The following MRPL45 variants were observed in gnomAD, a reference collection of about 807,000 sequenced individuals.
The protein encoded by MRPL45 is large ribosomal subunit protein mL45.
In MRPL45, 20 loss-of-function variants were observed where a neutral mutation model predicts 38.1. The ratio of observed to expected loss-of-function variants is 0.53; its 90% CI spans 0.37 to 0.76. MRPL45 has a LOEUF of 0.76. MRPL45 is among the 30% of genes least tolerant of loss of function. MRPL45 has a pLI of 0.00. For synonymous variants in MRPL45, 105 were observed against 128.8 expected, an observed-to-expected ratio of 0.82 and a Z score of 1.25; for missense variants, 337 against 395.6, an observed-to-expected ratio of 0.85 and a Z score of 1.26.
chr17:38,306,176 G>A (rs1244738049), intron 3 of MRPL45, among the ~76,000 whole-genome samples: 3 of 151,710 alleles, frequency 2.0e-5, no homozygotes, highest in Admixed American at 6.6e-5. Flanking sequence ...TTGGGAGGCC[G>A]AGGCGGGCGG....
intron 3 of MRPL45, among the ~76,000 whole-genome samples, chr17:38,302,504 A>AG (rs2037007842): frequency 1.1e-5 from 1 of 92,308 alleles, no homozygotes; most frequent in Non-Finnish European, 2.5e-5. Flanking sequence ...AAAAAAAAAA[A>AG]AGTTTGTTTT....
intron 3 of MRPL45, among the ~76,000 whole-genome samples, chr17:38,300,802 C>T (rs1210342957): frequency 6.6e-6 from 1 of 152,050 alleles, no homozygotes; most frequent in African/African-American, 2.4e-5. Flanking sequence ...CAAAATTAGC[C>T]GGGCGTGGTG....
chr17:38,315,252 G>T (rs1020823746), intron 4 of MRPL45, among the ~76,000 whole-genome samples: 1 of 151,886 alleles, frequency 6.6e-6, no homozygotes, highest in Non-Finnish European at 1.5e-5. Flanking sequence ...GCCTTTGTTT[G>T]TTTCTTTTTT....
intron 4 of MRPL45, among the ~76,000 whole-genome samples, chr17:38,313,883 G>A (rs577912747): frequency 2.0e-5 from 3 of 151,802 alleles, no homozygotes; most frequent in South Asian, 4.2e-4. Flanking sequence ...GGCTGGTCTC[G>A]AACTCCTGAC....
chr17:38,305,764 T>C (rs2037047447), intron 3 of MRPL45, among the ~76,000 whole-genome samples: 1 of 151,456 alleles, frequency 6.6e-6, no homozygotes, highest in Admixed American at 6.6e-5. Flanking sequence ...TGCCTCAGCC[T>C]CCGGAGTAGC....
chr17:38,319,995 C>G (rs2037214079), intron 5 of MRPL45, among the ~76,000 whole-genome samples: 1 of 152,114 alleles, frequency 6.6e-6, no homozygotes, highest in Non-Finnish European at 1.5e-5. Context: ...CCCAGCTACT[C>G]GGGAAGCTGA....
intron 4 of MRPL45, among the ~76,000 whole-genome samples, chr17:38,314,958 A>G (rs1230977115): frequency 1.3e-5 from 2 of 152,184 alleles, no homozygotes; most frequent in South Asian, 2.1e-4. Context: ...TCTCCCTCCC[A>G]CTTCATTATG....
In MRPL45 at chr17:38,320,720, C is replaced by G. The variant is rs1043560556; in HGVS notation, c.613C>G (p.Gln205Glu). The change falls in exon 6 of 8, where the codon CAG becomes GAG. Residue 205 changes from glutamine (Q) to glutamate (E), a missense_variant. Around this residue, in one of 3 missense-constraint regions of MRPL45, gnomAD observed 251 missense variants for 269.1 expected, o/e 0.93. Transcript: ENST00000613675. ...VQVRCSSMMN[Q>E]GNVYGQITVR... The stretch of plus-strand genomic sequence containing the variant: ...AGTTCGCTGTTCAAGTATGATGAAC[C>G]AGGGCAACGTGTACGGCCAGATCAC... 1.9e-6 allele frequency: 3 copies of G among 1,613,986 alleles called. No individual in the cohort carries two copies. In the African/African-American group the frequency reaches 4.0e-5, roughly 22 times the overall value.
intron 3 of MRPL45, among the ~76,000 whole-genome samples, chr17:38,305,510 T>C (rs1330422345): frequency 1.3e-5 from 2 of 151,272 alleles, no homozygotes; most frequent in African/African-American, 4.8e-5. Context: ...CTGACTCTTT[T>C]TTTTGAGATG....
At chr17:38,301,768 C>A (rs1026356913) in intron 3 of MRPL45, among the ~76,000 whole-genome samples, 7 of 152,088 alleles carry the variant, frequency 4.6e-5, no homozygotes, top group African/African-American at 1.4e-4. Context: ...AAATACTGAT[C>A]GCACACAAAT....
rs891659850 is a variant in MRPL45, at chr17:38,322,382, G to A, written c.834+83G>A. On this transcript the variant is annotated intron_variant, in intron 7 of 7. Coordinates refer to ENST00000613675, the MANE Select transcript of MRPL45 (RefSeq NM_032351.6). Reference sequence around the variant, plus strand: ...ACTCTGTCGGGCTCCACCTAGTGGCGAGAGGGGGTGATGCACCACCCAGGA... The same window carrying A: ...ACTCTGTCGGGCTCCACCTAGTGGCAAGAGGGGGTGATGCACCACCCAGGA... The A allele has an allele frequency of 6.0e-5, 86 of 1,436,062 alleles. No individual in the cohort carries two copies. In the African/African-American group the frequency reaches 9.3e-4, roughly 15 times the overall value. 89.0% of individuals were successfully genotyped at this position (1,436,062 alleles called of 1,614,324 possible).
intron 5 of MRPL45, 75 bp from the exon 6 acceptor site, chr17:38,320,543 G>A (rs1039269072): frequency 1.3e-6 from 2 of 1,494,360 alleles, no homozygotes; most frequent in African/African-American, 2.7e-5. Context: ...TGCAGGAAGT[G>A]AGAGCAGTGT....
intron 4 of MRPL45, among the ~76,000 whole-genome samples, chr17:38,313,335 T>TATATATATAC (rs2037140150): frequency 5.4e-5 from 1 of 18,516 alleles, no homozygotes; most frequent in East Asian, 1.0e-3. Flanking sequence ...TATATATACA[T>TATATATATAC]ATATATATAT....
chr17:38,305,932 C>T (rs1357457588), intron 3 of MRPL45, among the ~76,000 whole-genome samples: 6 of 151,846 alleles, frequency 4.0e-5, no homozygotes, highest in Admixed American at 2.0e-4. Flanking sequence ...CGTGAGCCAC[C>T]GCGCCTGGCC....
chr17:38,321,143 T>C (rs2037225923), intron 6 of MRPL45, among the ~76,000 whole-genome samples: 1 of 151,996 alleles, frequency 6.6e-6, no homozygotes, highest in Non-Finnish European at 1.5e-5. Context: ...GCCTGGCTAA[T>C]TTTAGTATTT....
intron 3 of MRPL45, among the ~76,000 whole-genome samples, chr17:38,300,752 G>T (rs1567712509): frequency 6.6e-6 from 1 of 152,018 alleles, no homozygotes; most frequent in South Asian, 2.1e-4. Flanking sequence ...TCGAAAACCA[G>T]CCCGACCAAC....
rs192103119 is a variant in MRPL45 at position 38,300,956 on chromosome 17, T to A, written c.362+1488T>A. Among the ~76,000 whole-genome samples the A allele has an allele frequency of 5.3e-3, 809 of 152,066 alleles. 7 individuals carry two copies. The highest frequency in any genetic ancestry group is 0.019 in the African/African-American group (769 of 41,466). On this transcript the variant is annotated intron_variant, in intron 3 of 7. Transcript: ENST00000613675. ...GGCGAAACTCTGTCTCAAAAAAAAA[T>A]AATAATAAAAAAGATTTTATCATAT...
intron 3 of MRPL45, 51 bp downstream of exon 3, chr17:38,299,519 T>G (rs2036971381): frequency 2.0e-6 from 3 of 1,500,024 alleles, no homozygotes; most frequent in Non-Finnish European, 2.7e-6. Context: ...AATTTTTTGT[T>G]GCTACTTTAT....
At chr17:38,314,541 C>T (rs1174169013) in intron 4 of MRPL45, among the ~76,000 whole-genome samples, 1 of 152,148 alleles carries the variant, frequency 6.6e-6, no homozygotes, top group African/African-American at 2.4e-5. Context: ...ATTGCCAAAT[C>T]CAGTGTCATG....
Sources: gnomAD v4.1 joint callset for allele counts (sites outside exome capture counted in the v4.1 genomes callset) on GRCh38, gnomAD v4.1.1 for gene constraint, gnomAD v4.1.1 regional missense constraint, MANE v1.5 for transcripts, NCBI Gene and HGNC (gene_info 2026-07-23, HGNC 2026-07-21) for gene names.